Variants in PGAP1 observed in about 807,000 individuals in gnomAD.
PGAP1 encodes the protein post-GPI attachment to proteins inositol deacylase 1, also known as GPI inositol-deacylase.
In PGAP1, 76 loss-of-function variants were observed where a neutral mutation model predicts 127.0. The ratio of observed to expected loss-of-function variants is 0.60; its 90% CI spans 0.50 to 0.72. PGAP1 has a LOEUF of 0.72. Among genes scored for constraint, PGAP1 ranks in the 30% least tolerant of loss-of-function variants. The probability of loss-of-function intolerance (pLI) is 0.00; values close to 1 mark genes in which losing one functional copy is unlikely to be tolerated. For synonymous variants in PGAP1, 362 were observed against 366.5 expected (o/e 0.99, Z 0.14); for missense variants, 982 against 1,071.3 (o/e 0.92, Z 1.16).
At chr2:196,896,078 T>G (rs1702257686) in intron 7 of PGAP1, among the ~76,000 whole-genome samples, 1 of 152,222 alleles carries the variant, frequency 6.6e-6, no homozygotes, top group South Asian at 2.1e-4. Context: ...CTCTGAATTT[T>G]GCTGAAATCC....
At chr2:196,856,117 G>A (rs1410305890) in intron 20 of PGAP1, among the ~76,000 whole-genome samples, 1 of 152,134 alleles carries the variant, frequency 6.6e-6, no homozygotes, top group Admixed American at 6.6e-5. Flanking sequence ...GGGGTCAAGT[G>A]ATTCTCGTGC....
At position 196,833,554 on chromosome 2, in the gene PGAP1, G is replaced by A. The variant is rs909209279; in HGVS notation, c.*7680C>T. 6.6e-6 allele frequency: 1 copy of A among 152,108 alleles called. No homozygotes were observed. Among genetic ancestry groups the A allele is most frequent in the African/African-American group, 2.4e-5 (1 of 41,438 alleles). 9.4% of individuals were successfully genotyped at this position (152,108 alleles called of 1,614,324 possible). On this transcript the variant is annotated 3_prime_UTR_variant, in exon 27 of 27. Coordinates refer to ENST00000354764, the MANE Select transcript of PGAP1 (RefSeq NM_024989.4). ...GTATAAAAATTGATGCAGGTTGAGA[G>A]CCATTTATTTTATTACATACCCTTG...
rs573904064 is a variant in PGAP1 at position 196,836,075 on chromosome 2, T to C, written c.*5159A>G. The C allele has an allele frequency of 4.3e-4, 66 of 152,324 alleles. No homozygotes were observed. The highest frequency in any genetic ancestry group is 1.4e-3 in the African/African-American group (58 of 41,554). The allele number at this position is 152,324 out of a possible 1,614,324, so 9.4% of individuals were successfully genotyped here. ...CGGAATTCAAATACGCAAACAAATC[T>C]ACACTAACTAATCAAAACACACCAA... On this transcript the variant is annotated 3_prime_UTR_variant, in exon 27 of 27. Coordinates refer to ENST00000354764, the MANE Select transcript of PGAP1 (RefSeq NM_024989.4).
At chr2:196,868,644 C>A (rs926464955) in intron 19 of PGAP1, among the ~76,000 whole-genome samples, 4 of 152,184 alleles carry the variant, frequency 2.6e-5, no homozygotes, top group Non-Finnish European at 5.9e-5. Flanking sequence ...TTATGGAATT[C>A]TCTTGAGAAA....
intron 1 of PGAP1, among the ~76,000 whole-genome samples, chr2:196,923,495 T>C (rs192914872): frequency 5.0e-4 from 76 of 152,260 alleles, no homozygotes; most frequent in Non-Finnish European, 7.6e-4. Context: ...ATTTCCCCCA[T>C]TGTATTTATC....
intron 18 of PGAP1, 24 bp downstream of exon 18, chr2:196,872,417 A>C: frequency 6.7e-7 from 1 of 1,492,076 alleles, no homozygotes; most frequent in Non-Finnish European, 9.3e-7. Context: ...TAAATCTTAA[A>C]AATTAATCAA....
intron 24 of PGAP1, 79 bp from the exon 25 acceptor site, chr2:196,844,154 T>C (rs1700494080): frequency 1.2e-6 from 1 of 841,694 alleles, no homozygotes; most frequent in Admixed American, 3.6e-5. Context: ...TCATTACTTA[T>C]CAACTAAATA....
chr2:196,859,894 G>A (rs1701006571), intron 20 of PGAP1, among the ~76,000 whole-genome samples: 2 of 151,810 alleles, frequency 1.3e-5, no homozygotes, highest in Non-Finnish European at 2.9e-5. Flanking sequence ...CAAACCCACA[G>A]CTAACATTAT....
intron 20 of PGAP1, among the ~76,000 whole-genome samples, chr2:196,850,049 G>A (rs1700672740): frequency 6.6e-6 from 1 of 152,174 alleles, no homozygotes; most frequent in African/African-American, 2.4e-5. Context: ...AATAAGGTTA[G>A]TGTATGTATT....
In PGAP1 at chr2:196,873,543, A is replaced by C; in HGVS notation, c.1537T>G (p.Cys513Gly). 13 of 1,610,136 alleles carry C rather than the reference A, an allele frequency of 8.1e-6. No homozygotes were observed. The highest frequency in any genetic ancestry group is 1.1e-5 in the Non-Finnish European group (13 of 1,177,962). Residue 513 changes from cysteine to glycine, a missense_variant, in exon 16 of 27, where the codon TGC (cysteine) becomes GGC (glycine). Coordinates refer to ENST00000354764, the MANE Select transcript of PGAP1 (RefSeq NM_024989.4). Reference protein sequence around the residue: ...QAFKINVVSKCSAVKEEITSI... With the variant: ...QAFKINVVSKGSAVKEEITSI... ...ACATATTTACCTTTGACTGCTGAGC[A>C]CTTGCTTACCACGTTGATTTTAAAA... is the stretch of plus-strand genomic sequence containing the variant.
intron 12 of PGAP1, among the ~76,000 whole-genome samples, chr2:196,884,764 C>T (rs538365924): frequency 1.3e-4 from 20 of 152,122 alleles, no homozygotes; most frequent in African/African-American, 4.3e-4. Context: ...ACTATCAATC[C>T]GGATAAAATT....
chr2:196,925,370 C>A (rs1703327711), intron 1 of PGAP1, among the ~76,000 whole-genome samples: 1 of 151,810 alleles, frequency 6.6e-6, no homozygotes, highest in South Asian at 2.1e-4. Context: ...AAAAAAAAAA[C>A]TGCTGTGATT....
chr2:196,878,516 T>C (rs1701632770), intron 13 of PGAP1, among the ~76,000 whole-genome samples: 1 of 152,144 alleles, frequency 6.6e-6, no homozygotes, highest in Non-Finnish European at 1.5e-5. Flanking sequence ...AGAGTTTGGA[T>C]TTTTGGATTA....
chr2:196,862,486 T>C (rs979253653), intron 20 of PGAP1, among the ~76,000 whole-genome samples: 6 of 152,202 alleles, frequency 3.9e-5, no homozygotes, highest in African/African-American at 7.2e-5. Context: ...TGATATTCTA[T>C]TACCTTGTAA....
chr2:196,885,326 A>T, intron 12 of PGAP1, 98 bp downstream of exon 12: 1 of 771,060 alleles, frequency 1.3e-6, no homozygotes, highest in Non-Finnish European at 2.1e-6. Flanking sequence ...AAGTTTATTT[A>T]ATACCAAGAT....
At position 196,893,173 on chromosome 2, in the gene PGAP1, C is replaced by T. The variant is rs768891024; in HGVS notation, c.1000G>A (p.Glu334Lys). 4 of 1,597,218 alleles carry T rather than the reference C, an allele frequency of 2.5e-6. No homozygotes were observed. The highest frequency in any genetic ancestry group is 2.6e-6 in the Non-Finnish European group (3 of 1,169,346). ...TCAGAAATTATAGCTGGATTTTCCTCAAAATGTTTTGATGGGTGTCTTATA... is the reference window on the plus strand; with the variant it reads ...TCAGAAATTATAGCTGGATTTTCCTTAAAATGTTTTGATGGGTGTCTTATA... ...HFIRHPSKHFEENPAIISDLT... is the reference protein window; with the variant it reads ...HFIRHPSKHFKENPAIISDLT... Residue 334 changes from glutamate to lysine, a missense_variant, in exon 8 of 27, where the codon GAG becomes AAG. Coordinates refer to ENST00000354764, the MANE Select transcript of PGAP1 (RefSeq NM_024989.4).
rs569848338 is a variant in PGAP1 at position 196,854,982 on chromosome 2, C to T, written c.1862-6945G>A. Reference sequence around the variant, plus strand: ...AAACTTTTTTTTTTTTTTGTAGAAACGGGGCCTCCTTGCCCAGGCTGGTCT... The same window carrying T: ...AAACTTTTTTTTTTTTTTGTAGAAATGGGGCCTCCTTGCCCAGGCTGGTCT... On this transcript the variant is annotated intron_variant, in intron 20 of 26. Coordinates refer to ENST00000354764, the MANE Select transcript of PGAP1 (RefSeq NM_024989.4). Among the ~76,000 whole-genome samples, 17 of 147,880 alleles carry T rather than the reference C, an allele frequency of 1.1e-4. No individual in the cohort carries two copies. In the South Asian group the frequency reaches 1.9e-3, roughly 17 times the overall value.
intron 4 of PGAP1, among the ~76,000 whole-genome samples, chr2:196,904,736 T>A (rs1379309912): frequency 6.6e-5 from 10 of 151,494 alleles, no homozygotes; most frequent in Middle Eastern, 6.8e-3. Flanking sequence ...AAAAAAAAAA[T>A]AAATAAAAGT....
intron 24 of PGAP1, among the ~76,000 whole-genome samples, chr2:196,844,297 T>C: frequency 6.6e-6 from 1 of 152,126 alleles, no homozygotes; most frequent in Admixed American, 6.5e-5. Flanking sequence ...TAAGTAATTA[T>C]TCAAAATAAA....
Sources: gnomAD v4.1 joint callset for allele counts (sites outside exome capture counted in the v4.1 genomes callset) on GRCh38, gnomAD v4.1.1 for gene constraint, MANE v1.5 for transcripts, NCBI Gene and HGNC (gene_info 2026-07-23, HGNC 2026-07-21) for gene names.